ASIC2: variants seen among roughly 807,000 people sequenced by gnomAD.
ASIC2 encodes the protein acid-sensing ion channel 2.
ASIC2 carries 25 observed loss-of-function variants against 57.3 expected under a neutral mutation model. The ratio of observed to expected loss-of-function variants is 0.44; its 90% CI spans 0.32 to 0.61. The LOEUF is 0.61. Among genes scored for constraint, ASIC2 ranks in the 20% least tolerant of loss-of-function variants. The pLI, the probability that ASIC2 is intolerant of heterozygous loss-of-function variation, is 0.06. For missense variants in ASIC2, 641 were observed against 738.1 expected (o/e 0.87, Z 1.52); for synonymous variants, 319 against 307.5 (o/e 1.04, Z -0.39).
intron 3 of ASIC2, among the ~76,000 whole-genome samples, chr17:33,075,796 C>A (rs138029051): frequency 6.6e-6 from 1 of 152,216 alleles, no homozygotes; most frequent in African/African-American, 2.4e-5. Context: ...ACAGAACAAG[C>A]AAAAGGCATG....
At chr17:33,049,884 T>C (rs1278360438) in intron 3 of ASIC2, among the ~76,000 whole-genome samples, 1 of 152,090 alleles carries the variant, frequency 6.6e-6, no homozygotes, top group Admixed American at 6.6e-5. Flanking sequence ...ATTTTGGAAT[T>C]ATGGCAAGGT....
intron 1 of ASIC2, among the ~76,000 whole-genome samples, chr17:33,386,326 T>C (rs910402678): frequency 3.3e-5 from 5 of 152,320 alleles, no homozygotes; most frequent in Admixed American, 2.6e-4. Context: ...CTACTTCATC[T>C]ATCTAAAGCT....
chr17:34,099,339 AGAGG>A (rs1438064252), intron 1 of ASIC2, among the ~76,000 whole-genome samples: 1 of 145,998 alleles, frequency 6.8e-6, no homozygotes, highest in African/African-American at 2.5e-5. Context: ...GGGAGGGAAG[AGAGG>A]GAGGGAGGAA....
chr17:33,333,764 T>C (rs1907407327), intron 1 of ASIC2, among the ~76,000 whole-genome samples: 1 of 152,172 alleles, frequency 6.6e-6, no homozygotes, highest in Non-Finnish European at 1.5e-5. Flanking sequence ...CCTGTGCCTA[T>C]AGGCTCCAAG....
intron 1 of ASIC2, among the ~76,000 whole-genome samples, chr17:33,283,157 G>T (rs951891227): frequency 6.6e-6 from 1 of 152,102 alleles, no homozygotes; most frequent in African/African-American, 2.4e-5. Flanking sequence ...GGGTTCACTG[G>T]GGAGCCCAGC....
intron 1 of ASIC2, among the ~76,000 whole-genome samples, chr17:33,120,719 A>C (rs1053469869): frequency 3.9e-5 from 6 of 152,206 alleles, no homozygotes; most frequent in Non-Finnish European, 1.5e-5. Context: ...TTTGATGGAA[A>C]TTTCAAATGG....
chr17:33,122,569 T>C (rs1212889608), intron 1 of ASIC2, among the ~76,000 whole-genome samples: 1 of 152,236 alleles, frequency 6.6e-6, no homozygotes, highest in Admixed American at 6.5e-5. Flanking sequence ...TATAACATGA[T>C]GTTTCAATAC....
intron 1 of ASIC2, among the ~76,000 whole-genome samples, chr17:34,085,212 C>T (rs1054397018): frequency 2.0e-5 from 3 of 152,130 alleles, no homozygotes; most frequent in South Asian, 2.1e-4. Flanking sequence ...AGATATGTCC[C>T]ATCAATACCT....
At chr17:34,055,924 G>C (rs183034589) in intron 1 of ASIC2, among the ~76,000 whole-genome samples, 18 of 152,292 alleles carry the variant, frequency 1.2e-4, no homozygotes, top group African/African-American at 4.1e-4. Context: ...TAAGCATTGG[G>C]AATAGAGTAG....
intron 1 of ASIC2, among the ~76,000 whole-genome samples, chr17:33,728,758 T>A (rs181131141): frequency 2.0e-5 from 3 of 152,126 alleles, no homozygotes; most frequent in Non-Finnish European, 4.4e-5. Context: ...TCAGAGTAGA[T>A]TGAGTTGGGA....
chr17:33,370,310 C>A (rs1353704033), intron 1 of ASIC2, among the ~76,000 whole-genome samples: 1 of 152,204 alleles, frequency 6.6e-6, no homozygotes, highest in Non-Finnish European at 1.5e-5. Context: ...AACACCACCC[C>A]CAACCCCAAC....
At chr17:34,103,102 CAAT>C (rs1910925059) in intron 1 of ASIC2, among the ~76,000 whole-genome samples, 1 of 152,158 alleles carries the variant, frequency 6.6e-6, no homozygotes, top group Non-Finnish European at 1.5e-5. Context: ...TTTTCTATAA[CAAT>C]GATATATTTT....
chr17:34,064,391 G>C (rs899569327), intron 1 of ASIC2, among the ~76,000 whole-genome samples: 1 of 152,168 alleles, frequency 6.6e-6, no homozygotes, highest in Non-Finnish European at 1.5e-5. Context: ...TTGGATTAAG[G>C]ACTTAAACCT....
At chr17:33,844,480 C>T (rs988093908) in intron 1 of ASIC2, among the ~76,000 whole-genome samples, 8 of 152,094 alleles carry the variant, frequency 5.3e-5, no homozygotes, top group Non-Finnish European at 1.0e-4. Context: ...CGACTGTTGC[C>T]GGCATCCAAG....
chr17:33,867,890 G>A (rs765519853), intron 1 of ASIC2, among the ~76,000 whole-genome samples: 7 of 152,210 alleles, frequency 4.6e-5, no homozygotes, highest in Non-Finnish European at 1.0e-4. Context: ...GTCACCCTCT[G>A]AAAGCTAAGC....
At chr17:33,789,501 C>T (rs946974137) in intron 1 of ASIC2, among the ~76,000 whole-genome samples, 10 of 151,202 alleles carry the variant, frequency 6.6e-5, no homozygotes, top group African/African-American at 2.5e-4. Context: ...CACACACACA[C>T]ACGTGCAGCA....
chr17:33,469,312 A>G (rs1912965300), intron 1 of ASIC2, among the ~76,000 whole-genome samples: 1 of 152,172 alleles, frequency 6.6e-6, no homozygotes, highest in South Asian at 2.1e-4. Flanking sequence ...GCAGGGAGCC[A>G]GGCCAACCCA....
intron 1 of ASIC2, among the ~76,000 whole-genome samples, chr17:33,246,578 C>T (rs570012087): frequency 7.9e-5 from 12 of 152,276 alleles, no homozygotes; most frequent in East Asian, 1.9e-4. Flanking sequence ...CTTGCAAGGG[C>T]GCGGCGGGGT....
chr17:33,137,241 G>C (rs933961740), intron 1 of ASIC2, among the ~76,000 whole-genome samples: 1 of 152,316 alleles, frequency 6.6e-6, no homozygotes, highest in East Asian at 1.9e-4. Flanking sequence ...TGGTCTAATA[G>C]GTTAGAAAAC....
Sources: gnomAD v4.1 joint callset for allele counts (sites outside exome capture counted in the v4.1 genomes callset) on GRCh38, gnomAD v4.1.1 for gene constraint, MANE v1.5 for transcripts, NCBI Gene and HGNC (gene_info 2026-07-23, HGNC 2026-07-21) for gene names.